SMAD3: variants seen among roughly 807,000 people sequenced by gnomAD.
The protein encoded by SMAD3 is SMAD family member 3.
Under a neutral mutation model 51.8 loss-of-function variants are expected in SMAD3, and 12 were observed. The observed-to-expected ratio is 0.23, with a 90% CI of 0.15 to 0.38. The LOEUF (loss-of-function observed/expected upper bound fraction) is 0.38, where lower values mean the gene tolerates loss of function less well. Ranked by LOEUF, SMAD3 falls within the 10% of genes least tolerant of loss-of-function variation. The probability of loss-of-function intolerance (pLI) is 1.00; values close to 1 mark genes in which losing one functional copy is unlikely to be tolerated. For synonymous variants in SMAD3, 238 were observed against 227.7 expected (o/e 1.05, Z -0.41); for missense variants, 294 against 565.6 (o/e 0.52, Z 4.87).
chr15:67,183,031 A>ATAT (rs1156620400), intron 6 of SMAD3, among the ~76,000 whole-genome samples: 21 of 29,704 alleles, frequency 7.1e-4, no homozygotes, highest in Admixed American at 2.3e-3. Flanking sequence ...ATATATATAT[A>ATAT]TTTTTTTTTT....
intron 4 of SMAD3, among the ~76,000 whole-genome samples, chr15:67,168,926 G>A (rs1011970190): frequency 1.3e-5 from 2 of 152,132 alleles, no homozygotes; most frequent in African/African-American, 2.4e-5. Context: ...AGAGGGTCAC[G>A]TTGTTCCCCA....
At chr15:67,136,450 C>T (rs1328663080) in intron 1 of SMAD3, among the ~76,000 whole-genome samples, 1 of 152,062 alleles carries the variant, frequency 6.6e-6, no homozygotes, top group Non-Finnish European at 1.5e-5. Flanking sequence ...CTGCTTCAGC[C>T]TCCTGAGTAG....
chr15:67,089,640 G>A lies in SMAD3; in HGVS notation c.206+23280G>A, dbSNP rs138566155. On this transcript the variant is annotated intron_variant, in intron 1 of 8. Coordinates refer to ENST00000327367, the MANE Select transcript of SMAD3 (RefSeq NM_005902.4). ...GTGCGTGGGCATGTGTGCTCTCCTC[G>A]TGTCCCTCAGAAAAGAATGAATTCT... 5.5e-3 allele frequency among the ~76,000 whole-genome samples: 840 copies of A among 152,248 alleles called. 9 individuals carry two copies. Among genetic ancestry groups the A allele is most frequent in the Non-Finnish European group, 8.9e-3 (603 of 68,016 alleles).
chr15:67,191,346 G>A lies in SMAD3; in HGVS notation c.*810G>A, dbSNP rs1963360468. ...CTCAAAGAGATTCGAATGACGGTAAGTGTTCTCATGAAGCAGGAGGCCCTT... is the reference window on the plus strand; with the variant it reads ...CTCAAAGAGATTCGAATGACGGTAAATGTTCTCATGAAGCAGGAGGCCCTT... On this transcript the variant is annotated 3_prime_UTR_variant, in exon 9 of 9. Transcript: ENST00000327367. 4.3e-6 allele frequency: 1 copy of A among 233,358 alleles called. No individual in the cohort carries two copies. The highest frequency in any genetic ancestry group is 8.5e-6 in the Non-Finnish European group (1 of 118,092). 14.5% of individuals were successfully genotyped at this position (233,358 alleles called of 1,614,324 possible).
rs1465122232 is a variant in SMAD3, at chr15:67,190,774, A to G, written c.*238A>G. 6 of 575,732 alleles carry G rather than the reference A, an allele frequency of 1.0e-5. No homozygotes were observed. The highest frequency in any genetic ancestry group is 1.0e-4 in the South Asian group (5 of 50,062). The allele number at this position is 575,732 out of a possible 1,614,324, so 35.7% of individuals were successfully genotyped here. A position where few individuals can be genotyped will look rare whatever the true frequency, so the allele number is the denominator to read the frequency against. On this transcript the variant is annotated 3_prime_UTR_variant, in exon 9 of 9. Coordinates refer to ENST00000327367, the MANE Select transcript of SMAD3 (RefSeq NM_005902.4). ...TTGGCCCCACTTTGAAGGGCAAGAA[A>G]TGGCGTCTGCTCTGGTGGCTTAAGT...
intron 1 of SMAD3, among the ~76,000 whole-genome samples, chr15:67,076,755 C>A (rs1353857656): frequency 6.6e-6 from 1 of 152,230 alleles, no homozygotes; most frequent in Non-Finnish European, 1.5e-5. Context: ...AGAGGCCTGA[C>A]CCTTCCAGTT....
chr15:67,182,986 TAAAA>T (rs35277759), intron 6 of SMAD3, among the ~76,000 whole-genome samples: 609 of 47,896 alleles, frequency 0.013, 15 homozygotes, highest in East Asian at 0.045. Flanking sequence ...TATATTTTAT[TAAAA>T]AAAAAAAAAA....
At chr15:67,172,687 G>A (rs1405656754) in intron 5 of SMAD3, among the ~76,000 whole-genome samples, 1 of 152,216 alleles carries the variant, frequency 6.6e-6, no homozygotes. Context: ...GGAACACATT[G>A]GTGAACTCAT....
intron 1 of SMAD3, among the ~76,000 whole-genome samples, chr15:67,086,092 G>T (rs866613308): frequency 4.0e-5 from 6 of 151,768 alleles, no homozygotes; most frequent in East Asian, 3.9e-4. Context: ...AGTACAAAGT[G>T]GGGGGTGGTG....
intron 1 of SMAD3, among the ~76,000 whole-genome samples, chr15:67,101,442 C>G (rs1960755028): frequency 6.6e-6 from 1 of 152,054 alleles, no homozygotes; most frequent in South Asian, 2.1e-4. Context: ...TTAGCAAGCC[C>G]CCTGACTCTC....
chr15:67,188,700 C>G (rs1354407845), intron 8 of SMAD3, among the ~76,000 whole-genome samples: 1 of 152,258 alleles, frequency 6.6e-6, no homozygotes, highest in East Asian at 1.9e-4. Flanking sequence ...CTCTCCCTTT[C>G]TCTTCATTTT....
intron 1 of SMAD3, among the ~76,000 whole-genome samples, chr15:67,147,638 C>A (rs149735989): frequency 6.6e-6 from 1 of 152,158 alleles, no homozygotes; most frequent in Non-Finnish European, 1.5e-5. Flanking sequence ...CACCACCCTT[C>A]CACTGCCCCC....
intron 1 of SMAD3, among the ~76,000 whole-genome samples, chr15:67,127,631 G>C (rs546994057): frequency 6.6e-6 from 1 of 152,342 alleles, no homozygotes; most frequent in East Asian, 1.9e-4. Context: ...CGTGTCTTCT[G>C]TGCCCGTCTC....
At chr15:67,121,610 G>A (rs984178166) in intron 1 of SMAD3, among the ~76,000 whole-genome samples, 1 of 152,016 alleles carries the variant, frequency 6.6e-6, no homozygotes, top group African/African-American at 2.4e-5. Flanking sequence ...TTTATCTTCT[G>A]ACAAGAACAT....
intron 1 of SMAD3, among the ~76,000 whole-genome samples, chr15:67,160,345 T>C (rs919422536): frequency 6.6e-6 from 1 of 152,216 alleles, no homozygotes; most frequent in Non-Finnish European, 1.5e-5. Context: ...CTAATAAGTA[T>C]GTAGTCCTAT....
chr15:67,185,339 A>G (rs1451063164), intron 7 of SMAD3, among the ~76,000 whole-genome samples: 1 of 152,158 alleles, frequency 6.6e-6, no homozygotes, highest in Non-Finnish European at 1.5e-5. Context: ...GAGAAGGCCC[A>G]TTTAGCTGTT....
At chr15:67,181,102 G>A (rs1438620151) in intron 5 of SMAD3, 139 bp from the exon 6 acceptor site, 5 of 720,464 alleles carry the variant, frequency 6.9e-6, no homozygotes, top group Admixed American at 4.1e-5. Context: ...AGTTTTATAC[G>A]ATAAAAGGCA....
At chr15:67,106,886 A>G (rs1035894734) in intron 1 of SMAD3, among the ~76,000 whole-genome samples, 26 of 152,186 alleles carry the variant, frequency 1.7e-4, no homozygotes, top group African/African-American at 5.3e-4. Flanking sequence ...TGGTAATGGC[A>G]TAGTATTTAT....
At position 67,142,199 on chromosome 15, in the gene SMAD3, A is replaced by C. The variant is rs1429641580; in HGVS notation, c.207-22696A>C. Among the ~76,000 whole-genome samples the C allele has an allele frequency of 7.0e-3, 899 of 127,672 alleles. 1 individual carries two copies. Among genetic ancestry groups the C allele is most frequent in the Admixed American group, 0.014 (161 of 11,880 alleles). 83.8% of individuals were successfully genotyped at this position (127,672 alleles called of 152,430 possible). Reference sequence around the variant, plus strand: ...ATTCTTTTGTGTGTCTCCTCCCCACACCCCCCCCACCATTGTTTCTAGAAC... The same window carrying C: ...ATTCTTTTGTGTGTCTCCTCCCCACCCCCCCCCCACCATTGTTTCTAGAAC... On this transcript the variant is annotated intron_variant, in intron 1 of 8. Coordinates refer to ENST00000327367, the MANE Select transcript of SMAD3 (RefSeq NM_005902.4).
Sources: gnomAD v4.1 joint callset for allele counts (sites outside exome capture counted in the v4.1 genomes callset) on GRCh38, gnomAD v4.1.1 for gene constraint, MANE v1.5 for transcripts, NCBI Gene and HGNC (gene_info 2026-07-23, HGNC 2026-07-21) for gene names.